Variants in GLG1 observed in about 807,000 individuals in gnomAD.
GLG1 encodes the protein golgi glycoprotein 1, also known as Golgi apparatus protein 1.
GLG1 carries 38 observed loss-of-function variants against 160.5 expected under a neutral mutation model. The ratio of observed to expected loss-of-function variants is 0.24; its 90% CI spans 0.18 to 0.31. GLG1 has a LOEUF of 0.31. GLG1 is among the 10% of genes least tolerant of loss of function. The probability of loss-of-function intolerance (pLI) is 1.00; values close to 1 mark genes in which losing one functional copy is unlikely to be tolerated. For missense variants in GLG1, 1,373 were observed against 1,505.2 expected, an observed-to-expected ratio of 0.91 and a Z score of 1.45; for synonymous variants, 644 against 543.4, an observed-to-expected ratio of 1.19 and a Z score of -2.57.
At chr16:74,462,712 C>G (rs1437513734) in intron 20 of GLG1, 82 bp from the exon 21 acceptor site, 1 of 1,240,356 alleles carries the variant, frequency 8.1e-7, no homozygotes, top group Non-Finnish European at 1.2e-6. Flanking sequence ...CTAAAGGGAG[C>G]ATATTATGTC....
At chr16:74,593,860 T>C (rs977073276) in intron 1 of GLG1, among the ~76,000 whole-genome samples, 3 of 151,346 alleles carry the variant, frequency 2.0e-5, no homozygotes, top group African/African-American at 7.4e-5. Context: ...TTTCACTTCA[T>C]TGTTTATCAT....
intron 2 of GLG1, among the ~76,000 whole-genome samples, chr16:74,519,256 G>A (rs1173177214): frequency 6.9e-6 from 1 of 145,962 alleles, no homozygotes; most frequent in African/African-American, 2.5e-5. Context: ...AGCACCACAT[G>A]TTCTCACTCA....
At position 74,503,231 on chromosome 16, in the gene GLG1, G is replaced by C. The variant is rs754278880; in HGVS notation, c.774+300C>G. 8.6e-5 allele frequency among the ~76,000 whole-genome samples: 13 copies of C among 151,980 alleles called. No individual in the cohort carries two copies. In the Middle Eastern group the frequency reaches 0.01, roughly 119 times the overall value. On this transcript the variant is annotated intron_variant, in intron 4 of 25. Coordinates refer to ENST00000422840, the MANE Select transcript of GLG1 (RefSeq NM_001145667.2). Reference sequence around the variant, plus strand: ...CAAAAAAAAAATATTAGAGAACTCAGGTCTCTCCTTTGCCAGAGGCACATT... The same window carrying C: ...CAAAAAAAAAATATTAGAGAACTCACGTCTCTCCTTTGCCAGAGGCACATT...
intron 8 of GLG1, 36 bp downstream of exon 8, chr16:74,490,965 G>T: frequency 7.0e-7 from 1 of 1,434,840 alleles, no homozygotes; most frequent in Non-Finnish European, 9.8e-7. Context: ...GCTGATAAAT[G>T]TGACATTCAA....
intron 1 of GLG1, among the ~76,000 whole-genome samples, chr16:74,590,473 T>C (rs1958150231): frequency 6.6e-6 from 1 of 150,720 alleles, no homozygotes; most frequent in East Asian, 2.0e-4. Flanking sequence ...CAAAAAAAAA[T>C]AGCCAGGCGT....
intron 1 of GLG1, among the ~76,000 whole-genome samples, chr16:74,561,023 G>GCAGTCCTGCGCAGTCCTGCA (rs1389542202): frequency 1.3e-5 from 2 of 152,230 alleles, no homozygotes; most frequent in East Asian, 3.8e-4. Flanking sequence ...CTGGCACCAC[G>GCAGTCCTGCGCAGTCCTGCA]CAGTCCTGCG....
intron 2 of GLG1, among the ~76,000 whole-genome samples, chr16:74,525,071 T>A (rs1406558863): frequency 3.3e-5 from 5 of 152,222 alleles, no homozygotes; most frequent in Admixed American, 3.3e-4. Flanking sequence ...TTGGGCTGTT[T>A]CCATTTTTGA....
intron 4 of GLG1, 93 bp downstream of exon 4, chr16:74,503,438 C>G: frequency 1.2e-6 from 1 of 825,104 alleles, no homozygotes; most frequent in Admixed American, 1.8e-5. Flanking sequence ...TAAGGTCACT[C>G]CAGTCCTAAA....
chr16:74,458,221 G>C, intron 23 of GLG1: 2 of 431,698 alleles, frequency 4.6e-6, no homozygotes, highest in Non-Finnish European at 8.4e-6. Flanking sequence ...AAAAAGCAGG[G>C]GACTGTAAGT....
At chr16:74,462,857 G>A (rs923060294) in intron 20 of GLG1, 3 of 558,400 alleles carry the variant, frequency 5.4e-6, no homozygotes, top group African/African-American at 3.8e-5. Flanking sequence ...CTACTCTGCG[G>A]GGTTTTGTGC....
At chr16:74,460,320 C>T (rs1364980194) in intron 22 of GLG1, among the ~76,000 whole-genome samples, 2 of 152,160 alleles carry the variant, frequency 1.3e-5, no homozygotes, top group Non-Finnish European at 1.5e-5. Context: ...CGCAACTGGC[C>T]TGATTTTTGT....
Position 74,566,445 on chromosome 16 carries a change from T to A in GLG1, c.439-34292A>T, listed in dbSNP as rs537218792. 1.2e-3 allele frequency among the ~76,000 whole-genome samples: 180 copies of A among 152,338 alleles called. 1 individual carries two copies. The highest frequency in any genetic ancestry group is 4.3e-3 in the African/African-American group (177 of 41,586). ...ACCCCCACATACCCAGTGAAACTTTTGGTTTATCTTTAATTTTTCTCCTGT... is the reference window on the plus strand; with the variant it reads ...ACCCCCACATACCCAGTGAAACTTTAGGTTTATCTTTAATTTTTCTCCTGT... On this transcript the variant is annotated intron_variant, in intron 1 of 25. Coordinates refer to ENST00000422840, the MANE Select transcript of GLG1 (RefSeq NM_001145667.2).
intron 8 of GLG1, among the ~76,000 whole-genome samples, chr16:74,487,006 C>T (rs577575350): frequency 3.7e-4 from 56 of 151,694 alleles, no homozygotes; most frequent in Non-Finnish European, 6.6e-4. Flanking sequence ...CTCCACTTCC[C>T]GGGTTCAAGT....
At chr16:74,506,580 T>TAAAAAAAAA (rs1162306217) in intron 3 of GLG1, among the ~76,000 whole-genome samples, 3 of 1,002 alleles carry the variant, frequency 3.0e-3, no homozygotes, top group Non-Finnish European at 6.2e-3. Flanking sequence ...AGACTCCGTC[T>TAAAAAAAAA]CAAAAAAAAA....
intron 3 of GLG1, among the ~76,000 whole-genome samples, chr16:74,506,029 T>TAAA (rs59306961): frequency 2.2e-5 from 2 of 92,512 alleles, no homozygotes; most frequent in African/African-American, 4.2e-5. Flanking sequence ...GACTCCATCT[T>TAAA]AAAAAAAAAA....
intron 1 of GLG1, among the ~76,000 whole-genome samples, chr16:74,542,627 G>T (rs1259126327): frequency 6.8e-6 from 1 of 147,984 alleles, no homozygotes; most frequent in Non-Finnish European, 1.5e-5. Context: ...AGCCGAGATT[G>T]CATCATTGCA....
intron 17 of GLG1, 77 bp downstream of exon 17, chr16:74,468,869 C>G (rs955116249): frequency 1.1e-6 from 1 of 885,436 alleles, no homozygotes; most frequent in African/African-American, 1.6e-5. Flanking sequence ...AATGCCTCCC[C>G]CTTGCCCTAG....
chr16:74,515,593 C>A (rs949776716), intron 2 of GLG1, among the ~76,000 whole-genome samples: 1 of 150,618 alleles, frequency 6.6e-6, no homozygotes, highest in African/African-American at 2.5e-5. Flanking sequence ...AGGAGATATA[C>A]CTAATGTTAA....
chr16:74,572,245 T>TCG (rs940809209), intron 1 of GLG1, among the ~76,000 whole-genome samples: 2 of 152,038 alleles, frequency 1.3e-5, no homozygotes, highest in African/African-American at 4.8e-5. Context: ...GCACGGTGGC[T>TCG]CGCACCTGTA....
Sources: gnomAD v4.1 joint callset for allele counts (sites outside exome capture counted in the v4.1 genomes callset) on GRCh38, gnomAD v4.1.1 for gene constraint, MANE v1.5 for transcripts, NCBI Gene and HGNC (gene_info 2026-07-23, HGNC 2026-07-21) for gene names.